The following RORA variants were observed in gnomAD, a reference collection of about 807,000 sequenced individuals.
The protein encoded by RORA is RAR related orphan receptor A, also known as nuclear receptor ROR-alpha.
RORA carries 7 observed loss-of-function variants against 69.5 expected under a neutral mutation model. The observed-to-expected ratio is 0.10, with a 90% CI of 0.06 to 0.19. The LOEUF (loss-of-function observed/expected upper bound fraction) is 0.19. Ranked by LOEUF, RORA falls within the 10% of genes least tolerant of loss-of-function variation. The pLI, the probability that RORA is intolerant of heterozygous loss-of-function variation, is 1.00. For synonymous variants in RORA, 261 were observed against 240.8 expected (o/e 1.08, Z -0.78); for missense variants, 457 against 663.0 (o/e 0.69, Z 3.41).
At chr15:60,961,503 G>C (rs1893413016) in intron 1 of RORA, among the ~76,000 whole-genome samples, 2 of 152,214 alleles carry the variant, frequency 1.3e-5, no homozygotes, top group African/African-American at 4.8e-5. Flanking sequence ...TAAAAGTCAA[G>C]TGCCGATAAT....
Position 60,707,420 on chromosome 15 carries a change from A to G in RORA, c.167-28734T>C, listed in dbSNP as rs564274176. ...GCTCTGTCACCCAGGCTGGAGTGCA[A>G]TGGCGTGATCTCGGCTCACTGCAAG... On this transcript the variant is annotated intron_variant, in intron 1 of 10. Coordinates refer to ENST00000335670, the MANE Select transcript of RORA (RefSeq NM_134261.3). Among the ~76,000 whole-genome samples the G allele has an allele frequency of 2.6e-3, 399 of 151,014 alleles. 2 individuals carry two copies. The highest frequency in any genetic ancestry group is 9.3e-3 in the African/African-American group (382 of 41,172).
intron 1 of RORA, among the ~76,000 whole-genome samples, chr15:60,781,072 G>A (rs1212346974): frequency 2.0e-5 from 3 of 152,264 alleles, no homozygotes; most frequent in African/African-American, 7.2e-5. Context: ...CTGTAAAAAG[G>A]AGAGCTGCAT....
At chr15:60,711,457 C>G (rs983230005) in intron 1 of RORA, among the ~76,000 whole-genome samples, 1 of 152,172 alleles carries the variant, frequency 6.6e-6, no homozygotes, top group Non-Finnish European at 1.5e-5. Context: ...TTTCAGGCAG[C>G]AGTTGATTAG....
intron 1 of RORA, among the ~76,000 whole-genome samples, chr15:60,789,708 T>C (rs1211569045): frequency 6.6e-6 from 1 of 152,314 alleles, no homozygotes; most frequent in Middle Eastern, 3.4e-3. Context: ...CCTATAACCA[T>C]GAAAATAAAT....
At chr15:61,112,291 G>T (rs1015384716) in intron 1 of RORA, among the ~76,000 whole-genome samples, 11 of 152,142 alleles carry the variant, frequency 7.2e-5, no homozygotes, top group Admixed American at 7.2e-4. Flanking sequence ...GTCATGGACT[G>T]GGGGGCATGG....
rs2080008078 is a variant in RORA at position 61,213,070 on chromosome 15, TG to T, written c.166+15982del. On this transcript the variant is annotated intron_variant, in intron 1 of 10. Transcript: ENST00000335670. The surrounding 1 kb of genome is among the most constrained non-coding windows in gnomAD (Gnocchi z 4.1). ...CCCCGCTGCCCATCAGATATGTCCC[TG>T]GAACTTCCAACTCAGCCCATCCCAA... Among the ~76,000 whole-genome samples the T allele has an allele frequency of 6.6e-6, 1 of 152,152 alleles. No homozygotes were observed. Among genetic ancestry groups the T allele is most frequent in the Non-Finnish European group, 1.5e-5 (1 of 68,018 alleles).
intron 2 of RORA, among the ~76,000 whole-genome samples, chr15:60,591,234 C>G (rs544404192): frequency 6.6e-6 from 1 of 152,274 alleles, no homozygotes; most frequent in East Asian, 1.9e-4. Flanking sequence ...GCCTGGCGGC[C>G]GGGCCTGCGA....
In RORA at chr15:60,488,460, ATC is replaced by A. The variant is rs746885464; in HGVS notation, c.*8993_*8994del. On this transcript the variant is annotated 3_prime_UTR_variant, in exon 11 of 11. Coordinates refer to ENST00000335670, the MANE Select transcript of RORA (RefSeq NM_134261.3). ...TGGAGTATTTAAAAGACAACATTAA[ATC>A]TCTCTTTTTTGTACAGCTTGTATTT... is the stretch of plus-strand genomic sequence containing the variant. 10 of 152,298 alleles carry A rather than the reference ATC, an allele frequency of 6.6e-5. No homozygotes were observed. The highest frequency in any genetic ancestry group is 1.4e-4 in the African/African-American group (6 of 41,560). 9.4% of individuals were successfully genotyped at this position (152,298 alleles called of 1,614,324 possible). A position where few individuals can be genotyped will look rare whatever the true frequency, so the allele number is the denominator to read the frequency against.
At chr15:60,606,373 G>A (rs2068945053) in intron 2 of RORA, among the ~76,000 whole-genome samples, 1 of 152,188 alleles carries the variant, frequency 6.6e-6, no homozygotes, top group African/African-American at 2.4e-5. Flanking sequence ...ACTTGGAATT[G>A]GTATCTACGA....
intron 2 of RORA, among the ~76,000 whole-genome samples, chr15:60,597,561 TATATATATATATACAC>T (rs1567115217): frequency 5.7e-5 from 2 of 34,862 alleles, no homozygotes; most frequent in African/African-American, 2.8e-4. Flanking sequence ...CATATATATA[TATATATATATATACAC>T]ATATATATAT....
chr15:61,099,548 C>T (rs2078846732), intron 1 of RORA, among the ~76,000 whole-genome samples: 1 of 152,208 alleles, frequency 6.6e-6, no homozygotes, highest in South Asian at 2.1e-4. Flanking sequence ...CATTAGACTG[C>T]TGACCAGACA....
At chr15:61,138,020 T>C (rs893688018) in intron 1 of RORA, among the ~76,000 whole-genome samples, 1 of 152,224 alleles carries the variant, frequency 6.6e-6, no homozygotes, top group East Asian at 1.9e-4. Context: ...TACCAGAGAC[T>C]TTTCCATGCT....
chr15:60,904,494 C>G (rs1023629518), intron 1 of RORA, among the ~76,000 whole-genome samples: 1 of 152,182 alleles, frequency 6.6e-6, no homozygotes, highest in Non-Finnish European at 1.5e-5. Context: ...GCAGGGCCAA[C>G]AGACTCAGCC....
intron 1 of RORA, among the ~76,000 whole-genome samples, chr15:61,165,577 G>C (rs561080770): frequency 5.9e-5 from 9 of 152,276 alleles, no homozygotes; most frequent in African/African-American, 2.2e-4. Flanking sequence ...TAGATCAAAG[G>C]CTTGATTAGA....
chr15:61,188,401 G>C (rs906666106), intron 1 of RORA, among the ~76,000 whole-genome samples: 14 of 152,172 alleles, frequency 9.2e-5, no homozygotes, highest in African/African-American at 3.1e-4. Flanking sequence ...ACGGGGCCTA[G>C]TTTGCTGACC....
intron 1 of RORA, among the ~76,000 whole-genome samples, chr15:61,221,095 G>C (rs2080091236): frequency 6.6e-6 from 1 of 152,198 alleles, no homozygotes; most frequent in African/African-American, 2.4e-5. Flanking sequence ...TCTGGGTCTA[G>C]AGATTGTAAA....
chr15:60,828,422 G>A (rs899751397), intron 1 of RORA, among the ~76,000 whole-genome samples: 1 of 152,220 alleles, frequency 6.6e-6, no homozygotes, highest in Non-Finnish European at 1.5e-5. Flanking sequence ...GACAAGGGAA[G>A]GGAAGGGGAA....
chr15:61,215,073 T>C (rs1328782468), intron 1 of RORA, among the ~76,000 whole-genome samples: 10 of 121,998 alleles, frequency 8.2e-5, no homozygotes, highest in South Asian at 2.7e-4. Context: ...TAGGTAGATA[T>C]GGGGTTTCAC....
chr15:61,191,359 T>C (rs2079797916), intron 1 of RORA, among the ~76,000 whole-genome samples: 1 of 71,002 alleles, frequency 1.4e-5, no homozygotes, highest in African/African-American at 4.6e-5. Context: ...TGCCATCTCC[T>C]TGTAGCAAAA....
Sources: gnomAD v4.1 joint callset for allele counts (sites outside exome capture counted in the v4.1 genomes callset) on GRCh38, gnomAD v4.1.1 for gene constraint, Gnocchi (gnomAD v3.1) non-coding constraint, MANE v1.5 for transcripts, NCBI Gene and HGNC (gene_info 2026-07-23, HGNC 2026-07-21) for gene names.